DBNDD1: variants seen among roughly 807,000 people sequenced by gnomAD.
The protein encoded by DBNDD1 is dysbindin domain-containing protein 1.
DBNDD1 carries 14 observed loss-of-function variants against 17.0 expected under a neutral mutation model. The observed-to-expected ratio is 0.82, with a 90% CI of 0.54 to 1.29. The LOEUF is 1.29. Ranked by LOEUF, DBNDD1 falls within the 50% of genes most tolerant of loss-of-function variation. The probability of loss-of-function intolerance (pLI) is 0.00; values close to 1 mark genes in which losing one functional copy is unlikely to be tolerated. For synonymous variants in DBNDD1, 105 were observed against 102.0 expected (o/e 1.03, Z -0.18); for missense variants, 221 against 216.2 (o/e 1.02, Z -0.14).
chr16:90,009,878 G>GA, intron 1 of DBNDD1: 1 of 1,423,488 alleles, frequency 7.0e-7, no homozygotes. Flanking sequence ...TCTCCACTGT[G>GA]GACTGACTTT....
intron 1 of DBNDD1, among the ~76,000 whole-genome samples, chr16:90,015,312 G>A (rs950587037): frequency 2.0e-5 from 3 of 152,304 alleles, no homozygotes; most frequent in South Asian, 2.1e-4. Context: ...GGAGGGGCAC[G>A]ATGGATCTTG....
At chr16:90,011,349 C>T (rs2035551858) in intron 1 of DBNDD1, among the ~76,000 whole-genome samples, 2 of 152,224 alleles carry the variant, frequency 1.3e-5, no homozygotes, top group African/African-American at 2.4e-5. Flanking sequence ...GGTGCACCCC[C>T]ACCCCTCCCC....
At position 90,009,358 on chromosome 16, in the gene DBNDD1, T is replaced by TG. The variant is rs1443501089; in HGVS notation, c.103dup (p.His35ProfsTer45). 1 of 1,613,386 alleles carries TG rather than the reference T, an allele frequency of 6.2e-7. No individual in the cohort carries two copies. Among genetic ancestry groups the TG allele is most frequent in the Non-Finnish European group, 8.5e-7 (1 of 1,180,018 alleles). ...CCCGACCTCCTCCTCCACAGGCGTG[T>TG]GGCCATTGTCCCCTGTCCCCTGGGC... is the stretch of plus-strand genomic sequence containing the variant. On this transcript the variant is annotated frameshift_variant, in exon 2 of 4. Transcript: ENST00000002501. LOFTEE classifies it high-confidence loss of function.
chr16:90,009,965 A>C (rs373373241), intron 1 of DBNDD1: 2 of 1,613,858 alleles, frequency 1.2e-6, no homozygotes, highest in African/African-American at 2.7e-5. Flanking sequence ...ACCAGGAGGA[A>C]TAGGCAGGCC....
In DBNDD1 at chr16:90,006,370, T is replaced by C; in HGVS notation, c.442A>G (p.Thr148Ala). Residue 148 changes from threonine to alanine, a missense_variant, in exon 4 of 4, where the codon ACG (threonine) becomes GCG (alanine). Physicochemically the swap from Thr to Ala is moderately conservative, Grantham distance 58. Coordinates refer to ENST00000002501, the MANE Select transcript of DBNDD1 (RefSeq NM_001042610.3). ...TGGGGCCTCTCCACAGTGAGAAACG[T>C]GTCCAGGACTGTGGCCTGCCGCTCG... ...DPERQATVLD[T>A]FLTVERPQED The C allele has an allele frequency of 6.2e-7, 1 of 1,609,086 alleles. No individual in the cohort carries two copies. The highest frequency in any genetic ancestry group is 8.5e-7 in the Non-Finnish European group (1 of 1,179,514).
At chr16:90,010,572 A>C (rs994349777) in intron 1 of DBNDD1, among the ~76,000 whole-genome samples, 22 of 116,808 alleles carry the variant, frequency 1.9e-4, no homozygotes, top group Middle Eastern at 6.0e-3. Context: ...CTCGTGATCC[A>C]CCCGCCTTGG....
At chr16:90,010,625 G>T (rs1321209879) in intron 1 of DBNDD1, among the ~76,000 whole-genome samples, 2 of 151,474 alleles carry the variant, frequency 1.3e-5, no homozygotes, top group East Asian at 3.9e-4. Flanking sequence ...CACCGTGCCT[G>T]GCCCAACTGT....
At chr16:90,011,505 G>A (rs2151262698) in intron 1 of DBNDD1, 1 of 371,920 alleles carries the variant, frequency 2.7e-6, no homozygotes, top group South Asian at 2.0e-5. Context: ...GTGTTAGGCT[G>A]TGCCTGGGGG....
chr16:90,018,032 A>G (rs1180395632), intron 1 of DBNDD1, among the ~76,000 whole-genome samples: 3 of 151,994 alleles, frequency 2.0e-5, no homozygotes, highest in Admixed American at 6.6e-5. Context: ...ATTAACCTCC[A>G]CTCCCAAATG....
At chr16:90,014,889 C>G (rs1182158802) in intron 1 of DBNDD1, among the ~76,000 whole-genome samples, 1 of 151,736 alleles carries the variant, frequency 6.6e-6, no homozygotes, top group East Asian at 1.9e-4. Context: ...CCTGTAGTCC[C>G]AGCTACTCAG....
intron 1 of DBNDD1, chr16:90,011,817 CTCTGT>C: frequency 2.7e-6 from 1 of 371,926 alleles, no homozygotes; most frequent in Non-Finnish European, 5.4e-6. Flanking sequence ...GAGATGTGGA[CTCTGT>C]TCTAAGGCTG....
chr16:90,009,611 G>T, intron 1 of DBNDD1, 181 bp from the exon 2 acceptor site: 1 of 874,152 alleles, frequency 1.1e-6, no homozygotes, highest in Non-Finnish European at 1.7e-6. Flanking sequence ...GGGTTGAGGG[G>T]CTTCAAGGAG....
At chr16:90,015,083 G>A (rs1033457819) in intron 1 of DBNDD1, among the ~76,000 whole-genome samples, 1 of 151,878 alleles carries the variant, frequency 6.6e-6, no homozygotes, top group Non-Finnish European at 1.5e-5. Flanking sequence ...TGGTGTCAGC[G>A]TTGATGAGAT....
chr16:90,019,261 G>T lies in DBNDD1; in HGVS notation c.31+50C>A. 9.3e-7 allele frequency: 1 copy of T among 1,078,050 alleles called. No homozygotes were observed. The highest frequency in any genetic ancestry group is 1.2e-6 in the Non-Finnish European group (1 of 851,058). 66.8% of individuals were successfully genotyped at this position (1,078,050 alleles called of 1,614,324 possible). ...GCCCTGGGGGGAGGGGCTGCGGCTCGCTGCGGGGAAGCGCTGCGCGGGGGT... is the reference window on the plus strand; with the variant it reads ...GCCCTGGGGGGAGGGGCTGCGGCTCTCTGCGGGGAAGCGCTGCGCGGGGGT... On this transcript the variant is annotated intron_variant, in intron 1 of 3. Transcript: ENST00000002501. The surrounding 1 kb of genome is among the most constrained non-coding windows in gnomAD (Gnocchi z 6.1).
rs113888710 is a variant in DBNDD1, at chr16:90,006,670, CAG to C, written c.320-180_320-179del. The C allele has an allele frequency of 7.7e-3, 6,275 of 811,638 alleles. 253 individuals are homozygous for C. In the African/African-American group the frequency reaches 0.096, roughly 12 times the overall value. The allele number at this position is 811,638 out of a possible 1,614,324, so 50.3% of individuals were successfully genotyped here. The stretch of plus-strand genomic sequence containing the variant: ...GGCCCCCACCACACACTGGCCCCAC[CAG>C]AGAGGTGGATGTTGTGGTCTGGGTG... On this transcript the variant is annotated intron_variant, in intron 3 of 3. Transcript: ENST00000002501.
chr16:90,009,833 C>T, intron 1 of DBNDD1: 2 of 938,946 alleles, frequency 2.1e-6, no homozygotes, highest in Non-Finnish European at 3.2e-6. Flanking sequence ...TTTCCATGTC[C>T]AGCCTCTTGG....
At chr16:90,009,236 A>G in intron 2 of DBNDD1, 48 bp downstream of exon 2, 5 of 1,604,062 alleles carry the variant, frequency 3.1e-6, no homozygotes, top group Non-Finnish European at 4.2e-6. Context: ...CTCTTGGGGG[A>G]GCTCACGGGG....
rs562851153 is a variant in DBNDD1 at position 90,011,417 on chromosome 16, G to A, written c.32-1987C>T. 1.3e-4 allele frequency among the ~76,000 whole-genome samples: 20 copies of A among 152,372 alleles called. No individual in the cohort carries two copies. In the South Asian group the frequency reaches 2.1e-3, roughly 16 times the overall value. ...CCCGGCCTCCTGAGTGAGGGGCACC[G>A]GTGCAGGGCTGGGAGGTCCCCAGTG... On this transcript the variant is annotated intron_variant, in intron 1 of 3. Transcript: ENST00000002501.
intron 1 of DBNDD1, chr16:90,009,725 G>A (rs1331743230): frequency 2.1e-5 from 13 of 625,340 alleles, no homozygotes; most frequent in Admixed American, 3.1e-5. Flanking sequence ...CCATGCAGGC[G>A]TGGAAGTCCC....
Sources: gnomAD v4.1 joint callset for allele counts (sites outside exome capture counted in the v4.1 genomes callset) on GRCh38, gnomAD v4.1.1 for gene constraint, Gnocchi (gnomAD v3.1) non-coding constraint, MANE v1.5 for transcripts, NCBI Gene and HGNC (gene_info 2026-07-23, HGNC 2026-07-21) for gene names.